PPARGC1A: variants seen among roughly 807,000 people sequenced by gnomAD.
The protein encoded by PPARGC1A is peroxisome proliferator-activated receptor gamma coactivator 1-alpha.
In PPARGC1A, 25 loss-of-function variants were observed where a neutral mutation model predicts 88.7. The observed-to-expected ratio is 0.28, with a 90% CI of 0.21 to 0.39. PPARGC1A has a LOEUF of 0.39. Among genes scored for constraint, PPARGC1A ranks in the 10% least tolerant of loss-of-function variants. The pLI is 1.00. For missense variants in PPARGC1A, 880 were observed against 968.7 expected (o/e 0.91, Z 1.22); for synonymous variants, 363 against 355.6 (o/e 1.02, Z -0.24).
the PPARGC1A span, among the ~76,000 whole-genome samples, chr4:24,225,098 G>A: frequency 6.6e-6 from 1 of 152,164 alleles, no homozygotes; most frequent in Non-Finnish European, 1.5e-5. Flanking sequence ...GTGATATGGG[G>A]AGCCCCTGAA....
the PPARGC1A span, among the ~76,000 whole-genome samples, chr4:23,948,327 A>G: frequency 3.3e-5 from 5 of 152,162 alleles, no homozygotes; most frequent in African/African-American, 1.2e-4. Context: ...ATTTGTCTAC[A>G]TGGGAAGAAA....
rs536362109 is a variant in PPARGC1A, at chr4:23,801,660, G to T, written c.2293+70C>A. On this transcript the variant is annotated intron_variant, in intron 12 of 12. Transcript: ENST00000264867. ...TGATGGTTCAACCCAAGGTGCCTACGGATTATGTTTGTTCCCATCTTGAGC... is the reference window on the plus strand; with the variant it reads ...TGATGGTTCAACCCAAGGTGCCTACTGATTATGTTTGTTCCCATCTTGAGC... 5 of 1,543,124 alleles carry T rather than the reference G, an allele frequency of 3.2e-6. No individual in the cohort carries two copies. In the South Asian group the frequency reaches 4.5e-5, roughly 14 times the overall value.
the PPARGC1A span, among the ~76,000 whole-genome samples, chr4:24,263,514 A>G: frequency 6.6e-6 from 1 of 151,608 alleles, no homozygotes; most frequent in Non-Finnish European, 1.5e-5. Context: ...CACAGATTTG[A>G]ACTGCATGGA....
At chr4:24,245,247 G>A in the PPARGC1A span, among the ~76,000 whole-genome samples, 14 of 152,336 alleles carry the variant, frequency 9.2e-5, no homozygotes, top group African/African-American at 3.4e-4. Flanking sequence ...TGTACCCCAA[G>A]GTTACTTACA....
intron 2 of PPARGC1A, chr4:23,882,823 C>T (rs1034399054): frequency 2.0e-5 from 3 of 151,998 alleles, no homozygotes; most frequent in African/African-American, 7.3e-5. Context: ...TGCAAAGTAC[C>T]TCTCACAAAT....
the PPARGC1A span, among the ~76,000 whole-genome samples, chr4:24,365,463 T>C: frequency 6.6e-6 from 1 of 152,170 alleles, no homozygotes; most frequent in African/African-American, 2.4e-5. Flanking sequence ...ATTAATTAAA[T>C]CTACCCAGCA....
the PPARGC1A span, among the ~76,000 whole-genome samples, chr4:24,399,732 T>C: frequency 2.6e-5 from 4 of 152,160 alleles, no homozygotes; most frequent in Non-Finnish European, 5.9e-5. Flanking sequence ...TGCCAATATT[T>C]TGATGTTCAT....
chr4:24,420,724 G>A, the PPARGC1A span, among the ~76,000 whole-genome samples: 1 of 152,200 alleles, frequency 6.6e-6, no homozygotes, highest in Non-Finnish European at 1.5e-5. Flanking sequence ...CTACCACTTG[G>A]CACATTCTCC....
intron 2 of PPARGC1A, among the ~76,000 whole-genome samples, chr4:23,864,194 A>T (rs1731739890): frequency 6.6e-6 from 1 of 152,254 alleles, no homozygotes; most frequent in Admixed American, 6.5e-5. Context: ...TTTTAAGGAC[A>T]CTGAAGGCAG....
intron 2 of PPARGC1A, among the ~76,000 whole-genome samples, chr4:23,870,441 A>G (rs1473610464): frequency 6.6e-6 from 1 of 152,150 alleles, no homozygotes; most frequent in East Asian, 1.9e-4. Flanking sequence ...GGGTTTGTCA[A>G]CTTTCTGTAG....
chr4:23,828,327 G>A (rs1333257995), intron 5 of PPARGC1A, 73 bp downstream of exon 5: 4 of 1,458,588 alleles, frequency 2.7e-6, no homozygotes, highest in Non-Finnish European at 2.9e-6. Flanking sequence ...AAGTTGGTGT[G>A]TTCTCAGACT....
At chr4:23,942,385 T>C in the PPARGC1A span, among the ~76,000 whole-genome samples, 1 of 152,228 alleles carries the variant, frequency 6.6e-6, no homozygotes, top group Non-Finnish European at 1.5e-5. Context: ...ATGGTCAGGT[T>C]AAACAGAACT....
At chr4:24,157,975 C>A in the PPARGC1A span, among the ~76,000 whole-genome samples, 1 of 152,104 alleles carries the variant, frequency 6.6e-6, no homozygotes, top group Admixed American at 6.6e-5. Flanking sequence ...CACTGTCTTC[C>A]TTTTACATGT....
At chr4:24,409,741 G>T in the PPARGC1A span, among the ~76,000 whole-genome samples, 3 of 152,058 alleles carry the variant, frequency 2.0e-5, no homozygotes, top group Non-Finnish European at 4.4e-5. Context: ...TCATTTTTGG[G>T]GTGTGGGGCA....
At chr4:24,102,985 G>A in the PPARGC1A span, among the ~76,000 whole-genome samples, 2 of 152,230 alleles carry the variant, frequency 1.3e-5, no homozygotes, top group South Asian at 2.1e-4. Flanking sequence ...TATCAAACCA[G>A]GGGCTTGAAA....
chr4:24,051,187 C>CAAAAAA, the PPARGC1A span, among the ~76,000 whole-genome samples: 9 of 58,570 alleles, frequency 1.5e-4, no homozygotes, highest in African/African-American at 2.9e-4. Flanking sequence ...GACTCTGTCT[C>CAAAAAA]AAAAAAAAAA....
chr4:24,154,319 C>A, the PPARGC1A span, among the ~76,000 whole-genome samples: 1 of 152,210 alleles, frequency 6.6e-6, no homozygotes, highest in African/African-American at 2.4e-5. Flanking sequence ...TCTTCAAATT[C>A]CCCACAGGAT....
At chr4:24,266,389 T>C in the PPARGC1A span, among the ~76,000 whole-genome samples, 1 of 152,140 alleles carries the variant, frequency 6.6e-6, no homozygotes, top group African/African-American at 2.4e-5. Context: ...AAAGTAACCC[T>C]CTGAACCCCA....
At chr4:24,343,494 C>T in the PPARGC1A span, among the ~76,000 whole-genome samples, 2 of 152,128 alleles carry the variant, frequency 1.3e-5, no homozygotes, top group African/African-American at 4.8e-5. Flanking sequence ...ACAGAGCAAT[C>T]CTTTACTAAA....
Sources: gnomAD v4.1 joint callset for allele counts (sites outside exome capture counted in the v4.1 genomes callset) on GRCh38, gnomAD v4.1.1 for gene constraint, MANE v1.5 for transcripts, NCBI Gene and HGNC (gene_info 2026-07-23, HGNC 2026-07-21) for gene names.